The following UTRN variants were observed in gnomAD, a reference collection of about 807,000 sequenced individuals.
UTRN encodes the protein utrophin, also known as dystrophin-related protein 1.
UTRN carries 283 observed loss-of-function variants against 463.9 expected under a neutral mutation model. That is an observed-to-expected ratio of 0.61 (90% CI 0.55 to 0.67). UTRN has a LOEUF of 0.67. UTRN is among the 30% of genes least tolerant of loss of function. The pLI is 0.00. For synonymous variants in UTRN, 1,442 were observed against 1,431.5 expected (o/e 1.01, Z -0.17); for missense variants, 3,922 against 4,084.3 (o/e 0.96, Z 1.08).
chr6:144,343,148 A>G (rs1048849342), intron 2 of UTRN, among the ~76,000 whole-genome samples: 7 of 152,176 alleles, frequency 4.6e-5, no homozygotes, highest in African/African-American at 1.7e-4. Context: ...TATCCTGACA[A>G]AGATACATAT....
intron 12 of UTRN, among the ~76,000 whole-genome samples, chr6:144,439,231 G>A (rs1431756036): frequency 2.0e-5 from 3 of 152,176 alleles, no homozygotes. Flanking sequence ...CAAATTCTTC[G>A]TCTATGATTC....
rs1440074140 is a variant in UTRN at position 144,551,058 on chromosome 6, A to G, written c.6904A>G (p.Met2302Val). The G allele has an allele frequency of 6.2e-7, 1 of 1,603,284 alleles. No homozygotes were observed. The highest frequency in any genetic ancestry group is 8.5e-7 in the Non-Finnish European group (1 of 1,177,386). Residue 2302 changes from methionine (M) to valine (V), a missense_variant, in exon 48 of 75, where the codon ATG (methionine) becomes GTG (valine). Physicochemically the swap from Met to Val is conservative, Grantham distance 21. Transcript: ENST00000367545. ...GAAAAATAAAGCTTCCAGTTCAGAT[A>G]TGAGAACAGCAATTACAGAAAAATG... ...NLKNKASSSD[M>V]RTAITEKLER... is the part of the protein sequence containing the mutation.
chr6:144,643,120 G>C (rs1037749968), intron 51 of UTRN, among the ~76,000 whole-genome samples: 1 of 151,966 alleles, frequency 6.6e-6, no homozygotes. Flanking sequence ...AAAACCTACC[G>C]GTGCATGAGA....
At chr6:144,600,031 T>C (rs568983738) in intron 51 of UTRN, among the ~76,000 whole-genome samples, 7 of 152,334 alleles carry the variant, frequency 4.6e-5, no homozygotes, top group African/African-American at 1.7e-4. Context: ...ATGTTACTAT[T>C]GTAATTGTTT....
intron 35 of UTRN, among the ~76,000 whole-genome samples, chr6:144,512,999 A>T (rs915800553): frequency 1.3e-5 from 2 of 152,112 alleles, no homozygotes; most frequent in Non-Finnish European, 2.9e-5. Flanking sequence ...TTTTGGTCAC[A>T]CTCTAACTTC....
At chr6:144,804,592 G>A (rs1239972946) in intron 65 of UTRN, among the ~76,000 whole-genome samples, 1 of 152,126 alleles carries the variant, frequency 6.6e-6, no homozygotes, top group Non-Finnish European at 1.5e-5. Flanking sequence ...CTTGAGCAGA[G>A]GCAAGGAAGT....
chr6:144,471,034 GAGGGA>G (rs1773496035), intron 23 of UTRN, among the ~76,000 whole-genome samples: 1 of 116,290 alleles, frequency 8.6e-6, no homozygotes, highest in Non-Finnish European at 1.8e-5. Context: ...AGAGGGAGAC[GAGGGA>G]GGGGGAGAGG....
intron 51 of UTRN, among the ~76,000 whole-genome samples, chr6:144,628,012 G>T (rs978939008): frequency 1.3e-5 from 2 of 152,014 alleles, no homozygotes; most frequent in African/African-American, 4.8e-5. Flanking sequence ...TGTCGGTCAG[G>T]CTGGTCTCGA....
intron 2 of UTRN, among the ~76,000 whole-genome samples, chr6:144,364,235 C>T (rs886259031): frequency 2.0e-5 from 3 of 152,150 alleles, no homozygotes; most frequent in African/African-American, 7.2e-5. Context: ...AAGGAACTTG[C>T]GTGTGAGAGT....
rs1803720871 is a variant in UTRN at position 144,286,874 on chromosome 6, C to T, written c.-93+1053C>T. On this transcript the variant is annotated intron_variant, in intron 1 of 74. Coordinates refer to ENST00000367545, the MANE Select transcript of UTRN (RefSeq NM_007124.3). The surrounding 1 kb of genome is among the most constrained non-coding windows in gnomAD (Gnocchi z 4.4). Reference sequence around the variant, plus strand: ...CTCTGAGGTGTTCAGGACAGGGCCTCCTCTTTCCCAGCCTTCAGGTCAGCC... The same window carrying T: ...CTCTGAGGTGTTCAGGACAGGGCCTTCTCTTTCCCAGCCTTCAGGTCAGCC... Among the ~76,000 whole-genome samples, 1 of 152,156 alleles carries T rather than the reference C, an allele frequency of 6.6e-6. No homozygotes were observed. The highest frequency in any genetic ancestry group is 1.5e-5 in the Non-Finnish European group (1 of 68,024).
chr6:144,752,672 A>G (rs944201571), intron 56 of UTRN, among the ~76,000 whole-genome samples: 1 of 152,188 alleles, frequency 6.6e-6, no homozygotes, highest in African/African-American at 2.4e-5. Flanking sequence ...TAGTAAAGCA[A>G]AATCTGTTAA....
chr6:144,416,401 A>G (rs1429045304), intron 3 of UTRN, among the ~76,000 whole-genome samples: 2 of 152,238 alleles, frequency 1.3e-5, no homozygotes, highest in Non-Finnish European at 2.9e-5. Context: ...TTGAGCCTGC[A>G]GAGCCAGCTG....
intron 41 of UTRN, among the ~76,000 whole-genome samples, chr6:144,524,716 C>G (rs1323137950): frequency 6.6e-6 from 1 of 152,072 alleles, no homozygotes; most frequent in East Asian, 1.9e-4. Flanking sequence ...TCTAGGACTT[C>G]CGGTACTATG....
intron 2 of UTRN, among the ~76,000 whole-genome samples, chr6:144,388,749 A>C (rs978267382): frequency 5.3e-5 from 8 of 152,046 alleles, no homozygotes; most frequent in Admixed American, 2.6e-4. Context: ...CAGTCCACCC[A>C]CTTGGGCCTC....
chr6:144,471,593 C>T (rs901803135), intron 23 of UTRN, among the ~76,000 whole-genome samples: 2 of 152,158 alleles, frequency 1.3e-5, no homozygotes, highest in African/African-American at 2.4e-5. Context: ...CCCCACTCTA[C>T]CCGTCCTGAG....
rs57789741 is a variant in UTRN, at chr6:144,302,509, C to CAAAAAAAAAAAAA, written c.79+10611_79+10612insAAAAAAAAAAAAA. ...TGGGCAACAGAGTGAGACTCTGTCT[C>CAAAAAAAAAAAAA]AAAAAAAAAGACTTGCTATGCCTTT... On this transcript the variant is annotated intron_variant, in intron 2 of 74. Coordinates refer to ENST00000367545, the MANE Select transcript of UTRN (RefSeq NM_007124.3). Among the ~76,000 whole-genome samples the CAAAAAAAAAAAAA allele has an allele frequency of 1.2e-4, 17 of 139,170 alleles. 2 individuals carry two copies. Among genetic ancestry groups the CAAAAAAAAAAAAA allele is most frequent in the East Asian group, 2.1e-4 (1 of 4,652 alleles). 91.3% of individuals were successfully genotyped at this position (139,170 alleles called of 152,430 possible). A position where few individuals can be genotyped will look rare whatever the true frequency, so the allele number is the denominator to read the frequency against.
chr6:144,472,484 A>G (rs1011604200), intron 23 of UTRN, among the ~76,000 whole-genome samples: 6 of 152,124 alleles, frequency 3.9e-5, no homozygotes, highest in African/African-American at 1.4e-4. Flanking sequence ...ACCTTATATA[A>G]ACTAGTTAGA....
At chr6:144,423,323 C>A (rs960547348) in intron 4 of UTRN, among the ~76,000 whole-genome samples, 1 of 152,156 alleles carries the variant, frequency 6.6e-6, no homozygotes, top group Admixed American at 6.5e-5. Context: ...GAGATTTCAA[C>A]GTGCATGCAA....
intron 4 of UTRN, among the ~76,000 whole-genome samples, chr6:144,422,365 C>G (rs1193059359): frequency 6.6e-6 from 1 of 152,156 alleles, no homozygotes; most frequent in Non-Finnish European, 1.5e-5. Context: ...GCCTGTAATC[C>G]TAGCACTTTG....
Sources: allele counts gnomAD v4.1 joint callset (sites outside exome capture counted in the v4.1 genomes callset), GRCh38; gene constraint gnomAD v4.1.1; non-coding constraint Gnocchi (gnomAD v3.1); transcripts MANE v1.5; gene names NCBI Gene and HGNC (gene_info 2026-07-23, HGNC 2026-07-21).